Variants in AMELY observed in about 807,000 individuals in gnomAD.
AMELY encodes amelogenin Y-linked.
AMELY carries 4 observed loss-of-function variants against 4.2 expected under a neutral mutation model. The ratio of observed to expected loss-of-function variants is 0.96; its 90% confidence interval spans 0.47 to 2.19. The LOEUF (loss-of-function observed/expected upper bound fraction) is 2.19. Among genes scored for constraint, AMELY ranks in the 30% most tolerant of loss-of-function variants. The probability of loss-of-function intolerance (pLI) is 0.02; values close to 1 mark genes in which losing one functional copy is unlikely to be tolerated. For synonymous variants in AMELY, 11 were observed against 14.7 expected (o/e 0.75, Z 0.57); for missense variants, 32 against 41.5 (o/e 0.77, Z 0.63).
At chrY:6,873,098 A>G in intron 2 of AMELY, among the ~76,000 whole-genome samples, 1 of 32,978 alleles carries the variant, frequency 3.0e-5, no homozygotes, top group Non-Finnish European at 7.5e-5. Context: ...GTTAAAAACA[A>G]AGACTGATGA....
chrY:6,871,895 G>C (rs2054068092), intron 3 of AMELY, among the ~76,000 whole-genome samples: 1 of 31,884 alleles, frequency 3.1e-5, no homozygotes, highest in African/African-American at 1.2e-4. Context: ...GGAGGCAGAG[G>C]TTGCAGTGAG....
intron 1 of AMELY, among the ~76,000 whole-genome samples, chrY:6,881,867 C>A: frequency 3.1e-5 from 1 of 32,545 alleles, no homozygotes; most frequent in Non-Finnish European, 7.5e-5. Flanking sequence ...CCTAGGAATA[C>A]AACTTACAAA....
At chrY:6,905,709 C>G in intron 1 of AMELY, among the ~76,000 whole-genome samples, 1 of 31,076 alleles carries the variant, frequency 3.2e-5, no homozygotes, top group African/African-American at 1.3e-4. Flanking sequence ...ATTCTCCTGC[C>G]TCAGCCTCCC....
At chrY:6,887,054 C>T (rs2054080508) in intron 1 of AMELY, among the ~76,000 whole-genome samples, 1 of 33,227 alleles carries the variant, frequency 3.0e-5, no homozygotes, top group African/African-American at 1.2e-4. Flanking sequence ...AAATCATTGG[C>T]ATAACATATT....
At position 6,873,639 on chromosome Y, in the gene AMELY, G is replaced by C. The variant is rs370650617; in HGVS notation, c.-13+333C>G. On this transcript the variant is annotated intron_variant, in intron 2 of 6. Coordinates refer to ENST00000651267, the MANE Select transcript of AMELY (RefSeq NM_001143.2). ...TTTAGTATGAAATAAGGTATTATTT[G>C]ATGTATTTAACAAAAAAAGTGTTAA... Among the ~76,000 whole-genome samples the C allele has an allele frequency of 1.2e-4, 4 of 32,917 alleles. No individual in the cohort carries two copies. In the East Asian group the frequency reaches 3.1e-3, roughly 26 times the overall value. The allele number at this position is 32,917 out of a possible 37,273, so 88.3% of individuals were successfully genotyped here. A position where few individuals can be genotyped will look rare whatever the true frequency, so the allele number is the denominator to read the frequency against.
At chrY:6,871,337 G>T (rs2054067334) in intron 3 of AMELY, among the ~76,000 whole-genome samples, 1 of 33,037 alleles carries the variant, frequency 3.0e-5, no homozygotes, top group Non-Finnish European at 7.4e-5. Flanking sequence ...GAGTGAGAGT[G>T]ACACCCTGGT....
At chrY:6,877,964 TTGTG>T (rs749471604) in intron 1 of AMELY, among the ~76,000 whole-genome samples, 9 of 28,708 alleles carry the variant, frequency 3.1e-4, no homozygotes, top group African/African-American at 5.4e-4. Context: ...TCTCAAACAA[TTGTG>T]TGTGTGTGTG....
chrY:6,876,039 C>G (rs1041642404), intron 1 of AMELY, among the ~76,000 whole-genome samples: 51 of 32,882 alleles, frequency 1.6e-3, no homozygotes, highest in African/African-American at 6.0e-3. Context: ...GTTTCTGATT[C>G]ACTGTCGAGA....
At chrY:6,879,549 C>A in intron 1 of AMELY, among the ~76,000 whole-genome samples, 1 of 33,645 alleles carries the variant, frequency 3.0e-5, no homozygotes. Context: ...TCCCATTTGT[C>A]AATTTTGGCT....
rs1159018275 is a variant in AMELY, at chrY:6,868,175, T to C, written c.435A>G (p.Pro145=). The change falls in exon 6 of 7, where the codon CCA becomes CCG. Residue 145 remains proline (P), a synonymous_variant. Transcript: ENST00000651267. ...PQPHQPMQPQ[P]PVQPMQPLLP... ...GCAGGGGCTGCATGGGTTGCACAGGTGGCTGGGGCTGCATGGGCTGGTGAG... is the reference window on the plus strand; with the variant it reads ...GCAGGGGCTGCATGGGTTGCACAGGCGGCTGGGGCTGCATGGGCTGGTGAG... 1.0e-5 allele frequency: 4 copies of C among 397,206 alleles called. No individual in the cohort carries two copies. The highest frequency in any genetic ancestry group is 1.4e-5 in the Non-Finnish European group (4 of 283,128).
intron 1 of AMELY, among the ~76,000 whole-genome samples, chrY:6,883,569 C>T (rs2054076688): frequency 3.1e-5 from 1 of 32,240 alleles, no homozygotes; most frequent in Non-Finnish European, 7.6e-5. Flanking sequence ...TGCACATGTA[C>T]CCCAGAACTT....
intron 1 of AMELY, among the ~76,000 whole-genome samples, chrY:6,893,856 C>G (rs765435434): frequency 3.0e-5 from 1 of 33,663 alleles, no homozygotes; most frequent in African/African-American, 1.2e-4. Flanking sequence ...TGATCTTCAA[C>G]TCTTTCCATA....
intron 1 of AMELY, among the ~76,000 whole-genome samples, chrY:6,891,262 A>G (rs2054082722): frequency 2.9e-5 from 1 of 33,936 alleles, no homozygotes; most frequent in Non-Finnish European, 7.3e-5. Context: ...TTAAAAATCA[A>G]CTCATGACTT....
chrY:6,902,538 TTAATGGATCTCCTG>T (rs2054089958), intron 1 of AMELY, among the ~76,000 whole-genome samples: 1 of 32,118 alleles, frequency 3.1e-5, no homozygotes, highest in Non-Finnish European at 7.6e-5. Context: ...TATGAAGAGA[TTAATGGATCTCCTG>T]TATTCCTTTT....
chrY:6,871,451 G>A, intron 3 of AMELY, among the ~76,000 whole-genome samples: 1 of 32,852 alleles, frequency 3.0e-5, no homozygotes, highest in African/African-American at 1.2e-4. Context: ...ACCCAAAGGG[G>A]TAGGACTTCT....
intron 1 of AMELY, among the ~76,000 whole-genome samples, chrY:6,892,144 G>GC (rs2054083445): frequency 3.0e-5 from 1 of 33,580 alleles, no homozygotes; most frequent in Non-Finnish European, 7.3e-5. Flanking sequence ...CACCGCCATT[G>GC]CCCGTGGTAA....
chrY:6,885,792 G>C, intron 1 of AMELY, among the ~76,000 whole-genome samples: 1 of 34,451 alleles, frequency 2.9e-5, no homozygotes, highest in Admixed American at 2.6e-4. Context: ...AATATCATAT[G>C]TTCTCACTTA....
chrY:6,907,038 T>C (rs2011666029), intron 1 of AMELY, among the ~76,000 whole-genome samples: 1 of 32,710 alleles, frequency 3.1e-5, no homozygotes, highest in Non-Finnish European at 7.4e-5. Context: ...TATTTTTTCT[T>C]TGATGCATCA....
rs1603023135 is a variant in AMELY at position 6,900,929 on chromosome Y, C to G, written c.-113+10744G>C. ...TGTGATCTTGGCTCACTGCAAGCTC[C>G]GCCTCCCAGGTTCATGCCATTCTCC... On this transcript the variant is annotated intron_variant, in intron 1 of 6. Coordinates refer to ENST00000651267, the MANE Select transcript of AMELY (RefSeq NM_001143.2). The G allele has an allele frequency of 2.1e-4, 5 of 24,282 alleles. No homozygotes were observed. In the East Asian group the frequency reaches 5.6e-3, roughly 27 times the overall value. 6.1% of individuals were successfully genotyped at this position (24,282 alleles called of 400,897 possible).
Sources: gnomAD v4.1 joint callset for allele counts (sites outside exome capture counted in the v4.1 genomes callset) on GRCh38, gnomAD v4.1.1 for gene constraint, MANE v1.5 for transcripts, NCBI Gene and HGNC (gene_info 2026-07-23, HGNC 2026-07-21) for gene names.